IQCH: variants seen among roughly 807,000 people sequenced by gnomAD.
The protein encoded by IQCH is IQ domain-containing protein H.
A neutral mutation model predicts 117.0 loss-of-function variants in IQCH; 98 were observed. The ratio of observed to expected loss-of-function variants is 0.84; its 90% confidence interval spans 0.71 to 0.99. IQCH has a LOEUF of 0.99. Among genes scored for constraint, IQCH ranks in the 50% least tolerant of loss-of-function variants. IQCH has a pLI of 0.00. For synonymous variants in IQCH, 412 were observed against 448.2 expected, an observed-to-expected ratio of 0.92 and a Z score of 1.02; for missense variants, 1,102 against 1,243.8, an observed-to-expected ratio of 0.89 and a Z score of 1.72.
chr15:67,257,134 C>T (rs979381661), intron 1 of IQCH, among the ~76,000 whole-genome samples: 1 of 152,222 alleles, frequency 6.6e-6, no homozygotes, highest in Admixed American at 6.5e-5. Flanking sequence ...TTGACAGTCT[C>T]ACAAGTAGTG....
intron 10 of IQCH, among the ~76,000 whole-genome samples, chr15:67,383,029 AACTT>A (rs1382877294): frequency 2.0e-5 from 3 of 152,196 alleles, no homozygotes; most frequent in Admixed American, 2.0e-4. Context: ...ATTGACTCCC[AACTT>A]CTGCTCTGCT....
chr15:67,319,360 T>C (rs1470607432), intron 4 of IQCH, among the ~76,000 whole-genome samples: 1 of 152,238 alleles, frequency 6.6e-6, no homozygotes, highest in Non-Finnish European at 1.5e-5. Context: ...CTAGGTGATA[T>C]TCTTGGGGCA....
At position 67,266,389 on chromosome 15, in the gene IQCH, A is replaced by G. The variant is rs542232876; in HGVS notation, c.269+3173A>G. ...ACATCATACTCCGCTGGGTGCGGTG[A>G]CTCACACCTGTAATCCCAGCATTTT... On this transcript the variant is annotated intron_variant, in intron 3 of 20. Transcript: ENST00000335894. 6.6e-4 allele frequency among the ~76,000 whole-genome samples: 100 copies of G among 152,080 alleles called. 1 individual carries two copies. The highest frequency in any genetic ancestry group is 4.3e-3 in the Admixed American group (66 of 15,272).
intron 4 of IQCH, among the ~76,000 whole-genome samples, chr15:67,316,099 G>A (rs1330331223): frequency 6.6e-6 from 1 of 152,162 alleles, no homozygotes; most frequent in East Asian, 1.9e-4. Context: ...GTACTAATAC[G>A]TTATATGAGC....
chr15:67,486,694 G>A (rs2083490089), intron 18 of IQCH, among the ~76,000 whole-genome samples: 1 of 152,158 alleles, frequency 6.6e-6, no homozygotes, highest in South Asian at 2.1e-4. Flanking sequence ...GTAAACCACA[G>A]AGATAATTCA....
chr15:67,270,788 T>A lies in IQCH; in HGVS notation c.269+7572T>A, dbSNP rs1272233971. Reference sequence around the variant, plus strand: ...ACCATGAGCCAAATAAATCTGTTTTTAAAAAAATTACCCAGCTTCAGGCAT... The same window carrying A: ...ACCATGAGCCAAATAAATCTGTTTTAAAAAAAATTACCCAGCTTCAGGCAT... On this transcript the variant is annotated intron_variant, in intron 3 of 20. Transcript: ENST00000335894. Among the ~76,000 whole-genome samples, 6 of 152,192 alleles carry A rather than the reference T, an allele frequency of 3.9e-5. No individual in the cohort carries two copies. In the South Asian group the frequency reaches 1.0e-3, roughly 26 times the overall value.
rs889997110 is a variant in IQCH, at chr15:67,463,782, A to G, written c.2506-1345A>G. Among the ~76,000 whole-genome samples the G allele has an allele frequency of 1.3e-4, 20 of 152,156 alleles. No homozygotes were observed. The highest frequency in any genetic ancestry group is 2.4e-5 in the African/African-American group (1 of 41,446). On this transcript the variant is annotated intron_variant, in intron 16 of 20. Coordinates refer to ENST00000335894, the MANE Select transcript of IQCH (RefSeq NM_001031715.3). This position sits in a 1 kb window ranked among gnomAD's most constrained non-coding sequence, Gnocchi z 4.0. ...GTACTTTGTTCCACCCCATTATTTTATCACATATAAAATTCTATTGTTTAA... is the reference window on the plus strand; with the variant it reads ...GTACTTTGTTCCACCCCATTATTTTGTCACATATAAAATTCTATTGTTTAA...
chr15:67,380,374 A>G (rs1970884724), intron 10 of IQCH, among the ~76,000 whole-genome samples: 1 of 152,230 alleles, frequency 6.6e-6, no homozygotes, highest in Admixed American at 6.5e-5. Context: ...CCCCTTCAAT[A>G]GCCCCCCAAA....
chr15:67,440,596 A>G (rs2082244361), intron 16 of IQCH, among the ~76,000 whole-genome samples: 2 of 152,228 alleles, frequency 1.3e-5, no homozygotes, highest in East Asian at 1.9e-4. Context: ...TACACTACAT[A>G]AACAATTAAA....
At position 67,359,966 on chromosome 15, in the gene IQCH, G is replaced by A; in HGVS notation, c.753+81G>A. Reference sequence around the variant, plus strand: ...CTTTTGCTGCAGGGCAAGAGTATGGGTGACTGCTTGACAGCTGGAGATGGC... The same window carrying A: ...CTTTTGCTGCAGGGCAAGAGTATGGATGACTGCTTGACAGCTGGAGATGGC... On this transcript the variant is annotated intron_variant, in intron 8 of 20. Coordinates refer to ENST00000335894, the MANE Select transcript of IQCH (RefSeq NM_001031715.3). This position sits in a 1 kb window ranked among gnomAD's most constrained non-coding sequence, Gnocchi z 4.5. 1 of 1,090,010 alleles carries A rather than the reference G, an allele frequency of 9.2e-7. No homozygotes were observed. Among genetic ancestry groups the A allele is most frequent in the Admixed American group, 1.8e-5 (1 of 55,062 alleles). The allele number at this position is 1,090,010 out of a possible 1,614,324, so 67.5% of individuals were successfully genotyped here.
intron 4 of IQCH, among the ~76,000 whole-genome samples, chr15:67,302,344 T>C (rs192582006): frequency 6.6e-6 from 1 of 152,310 alleles, no homozygotes; most frequent in Non-Finnish European, 1.5e-5. Context: ...CAGGTATTAA[T>C]TTCAATAGAA....
chr15:67,379,137 A>G (rs987117852), intron 10 of IQCH, among the ~76,000 whole-genome samples: 4 of 152,208 alleles, frequency 2.6e-5, no homozygotes, highest in African/African-American at 9.6e-5. Flanking sequence ...TTAATGGAAC[A>G]TGGTTGGATT....
chr15:67,356,011 T>G lies in IQCH; in HGVS notation c.638-1334T>G, dbSNP rs1969876940. Among the ~76,000 whole-genome samples the G allele has an allele frequency of 6.6e-6, 1 of 152,164 alleles. No homozygotes were observed. Among genetic ancestry groups the G allele is most frequent in the Non-Finnish European group, 1.5e-5 (1 of 68,016 alleles). On this transcript the variant is annotated intron_variant, in intron 6 of 20. Transcript: ENST00000335894. The surrounding 1 kb of genome is among the most constrained non-coding windows in gnomAD (Gnocchi z 5.3). The stretch of plus-strand genomic sequence containing the variant: ...TGCTATTTTGTTTGAACATGGGAAT[T>G]TAGCCATAAATCTCACTTTTCTGCA...
intron 15 of IQCH, among the ~76,000 whole-genome samples, chr15:67,419,418 A>G (rs1445860018): frequency 6.6e-6 from 1 of 152,076 alleles, no homozygotes; most frequent in East Asian, 1.9e-4. Context: ...TAAGGTCACC[A>G]TCTCCCTCCC....
intron 4 of IQCH, among the ~76,000 whole-genome samples, chr15:67,309,497 C>T (rs994771588): frequency 7.9e-5 from 12 of 152,058 alleles, no homozygotes; most frequent in South Asian, 6.2e-4. Flanking sequence ...TTTGTCCCCT[C>T]CTCTGTCTAG....
At position 67,337,123 on chromosome 15, in the gene IQCH, G is replaced by T. The variant is rs940857430; in HGVS notation, c.508+28G>T. 3.7e-6 allele frequency: 6 copies of T among 1,610,442 alleles called. No individual in the cohort carries two copies. In the African/African-American group the frequency reaches 8.0e-5, roughly 22 times the overall value. On this transcript the variant is annotated intron_variant, in intron 5 of 20. Transcript: ENST00000335894. The stretch of plus-strand genomic sequence containing the variant: ...TAGTGATTCAATAGCCATTTTACGT[G>T]TTTAGGAACGGAAAAGAAAGAGCAT...
chr15:67,380,728 CTT>C (rs1970899906), intron 10 of IQCH, among the ~76,000 whole-genome samples: 1 of 152,160 alleles, frequency 6.6e-6, no homozygotes. Context: ...AGTGTGCTCT[CTT>C]GATTAGGAGA....
At chr15:67,363,627 G>A (rs1970229326) in intron 8 of IQCH, among the ~76,000 whole-genome samples, 1 of 152,024 alleles carries the variant, frequency 6.6e-6, no homozygotes, top group Admixed American at 6.5e-5. Flanking sequence ...GTGTGTCATG[G>A]GGATTTGGTG....
At chr15:67,383,157 C>T (rs891692512) in intron 10 of IQCH, among the ~76,000 whole-genome samples, 7 of 152,152 alleles carry the variant, frequency 4.6e-5, no homozygotes, top group African/African-American at 9.7e-5. Flanking sequence ...TACCTTGTAA[C>T]ATTAAAATAC....
Sources: allele counts gnomAD v4.1 joint callset (sites outside exome capture counted in the v4.1 genomes callset), GRCh38; gene constraint gnomAD v4.1.1; non-coding constraint Gnocchi (gnomAD v3.1); transcripts MANE v1.5; gene names NCBI Gene and HGNC (gene_info 2026-07-23, HGNC 2026-07-21).